The following TMEM161B variants were observed in gnomAD, a reference collection of about 807,000 sequenced individuals.
TMEM161B encodes the protein transmembrane protein 161B.
Under a neutral mutation model 61.8 loss-of-function variants are expected in TMEM161B, and 34 were observed. The observed-to-expected ratio is 0.55, with a 90% confidence interval of 0.42 to 0.73. The LOEUF (loss-of-function observed/expected upper bound fraction) is 0.73, where lower values mean the gene tolerates loss of function less well. Among genes scored for constraint, TMEM161B ranks in the 30% least tolerant of loss-of-function variants. The pLI, the probability that TMEM161B is intolerant of heterozygous loss-of-function variation, is 0.00. For missense variants in TMEM161B, 456 were observed against 558.5 expected, an observed-to-expected ratio of 0.82 and a Z score of 1.85; for synonymous variants, 167 against 192.8, an observed-to-expected ratio of 0.87 and a Z score of 1.11.
chr5:88,225,519 T>C (rs1403493312), intron 4 of TMEM161B, among the ~76,000 whole-genome samples: 1 of 152,204 alleles, frequency 6.6e-6, no homozygotes, highest in Non-Finnish European at 1.5e-5. Context: ...AAATTGACTG[T>C]GACCTCAATC....
intron 1 of TMEM161B, among the ~76,000 whole-genome samples, chr5:88,250,088 A>G (rs1235222998): frequency 6.6e-6 from 1 of 152,076 alleles, no homozygotes; most frequent in Non-Finnish European, 1.5e-5. Flanking sequence ...CTAAGACTAG[A>G]CTCATAAATC....
Position 88,197,744 on chromosome 5 carries a change from G to C in TMEM161B, c.1111C>G (p.Leu371Val), listed in dbSNP as rs1233130592. 1 of 1,612,274 alleles carries C rather than the reference G, an allele frequency of 6.2e-7. No individual in the cohort carries two copies. Among genetic ancestry groups the C allele is most frequent in the Non-Finnish European group, 8.5e-7 (1 of 1,178,986 alleles). Residue 371 changes from leucine to valine, a missense_variant, in exon 11 of 12, where the codon CTT (leucine) becomes GTT (valine). Physicochemically the swap from Leu to Val is conservative, Grantham distance 32. Around this residue, in one of 3 missense-constraint regions of TMEM161B, gnomAD observed 367 missense variants for 427.3 expected, o/e 0.86. Coordinates refer to ENST00000296595, the MANE Select transcript of TMEM161B (RefSeq NM_153354.5). ...ACATACTGCAGTGCAATGACACAAA[G>C]ATAATAAAAGACTCGAGCCACCTGC... ...QKMVARVFYYLCVIALQYVAP... is the reference protein window; with the variant it reads ...QKMVARVFYYVCVIALQYVAP...
chr5:88,198,931 T>G, intron 10 of TMEM161B, 45 bp downstream of exon 10: 1 of 1,522,906 alleles, frequency 6.6e-7, no homozygotes, highest in Non-Finnish European at 8.8e-7. Flanking sequence ...TTTTTTACAG[T>G]GCGGTTTTTG....
At position 88,268,823 on chromosome 5, in the gene TMEM161B, G is replaced by T; in HGVS notation, c.-100C>A. The T allele has an allele frequency of 1.9e-6, 3 of 1,584,918 alleles. No homozygotes were observed. Among genetic ancestry groups the T allele is most frequent in the East Asian group, 2.3e-5 (1 of 44,386 alleles). ...TTGAGCCGAGAGACTCTCAAACAGC[G>T]AAAGAGAGGGTCTTCCGGCTCTGCC... On this transcript the variant is annotated 5_prime_UTR_variant, in exon 1 of 12. Coordinates refer to ENST00000296595, the MANE Select transcript of TMEM161B (RefSeq NM_153354.5).
chr5:88,254,574 T>C (rs1010003839), intron 1 of TMEM161B, among the ~76,000 whole-genome samples: 1 of 152,144 alleles, frequency 6.6e-6, no homozygotes, highest in Admixed American at 6.6e-5. Flanking sequence ...TGGTGGCTCA[T>C]GTCCATAATC....
intron 3 of TMEM161B, among the ~76,000 whole-genome samples, chr5:88,227,518 A>G (rs1750252985): frequency 6.6e-6 from 1 of 152,258 alleles, no homozygotes; most frequent in Non-Finnish European, 1.5e-5. Context: ...AAGGTTTACT[A>G]TTAATAGTCC....
rs753862541 is a variant in TMEM161B at position 88,225,718 on chromosome 5, CTATAA to C, written c.289+46_289+50del. The C allele has an allele frequency of 1.5e-5, 18 of 1,214,526 alleles. No individual in the cohort carries two copies. In the African/African-American group the frequency reaches 2.0e-4, roughly 13 times the overall value. The allele number at this position is 1,214,526 out of a possible 1,614,324, so 75.2% of individuals were successfully genotyped here. A position where few individuals can be genotyped will look rare whatever the true frequency, so the allele number is the denominator to read the frequency against. On this transcript the variant is annotated intron_variant, in intron 4 of 11. Transcript: ENST00000296595. ...GATTAAAATGAAAGTACTTTCACTA[CTATAA>C]TATAAAACTGAGATTTATAGAACAT...
intron 9 of TMEM161B, chr5:88,200,270 A>G (rs548813555): frequency 1.3e-5 from 2 of 152,204 alleles, no homozygotes; most frequent in African/African-American, 2.4e-5. Context: ...TAAAATTTCA[A>G]TGGAAAAGCA....
chr5:88,217,254 C>G (rs574974153), intron 5 of TMEM161B, among the ~76,000 whole-genome samples: 1 of 152,130 alleles, frequency 6.6e-6, no homozygotes, highest in Non-Finnish European at 1.5e-5. Flanking sequence ...AAGACTCTGT[C>G]TCTAAAAAAA....
chr5:88,220,755 C>CA (rs71613076), intron 4 of TMEM161B, 36 bp from the exon 5 acceptor site: 54,506 of 1,172,594 alleles, frequency 0.046, 720 homozygotes, highest in Non-Finnish European at 0.055. Flanking sequence ...AAAAAAAGGT[C>CA]AAAAAAAACA....
Position 88,195,526 on chromosome 5 carries a change from GATTACA to G in TMEM161B, c.*679_*684del. 1.0e-6 allele frequency: 1 copy of G among 985,166 alleles called. No individual in the cohort carries two copies. The highest frequency in any genetic ancestry group is 1.2e-6 in the Non-Finnish European group (1 of 829,618). The allele number at this position is 985,166 out of a possible 1,614,324, so 61.0% of individuals were successfully genotyped here. ...ATGGCAGGTCCAAACCTAATGGCAA[GATTACA>G]AATGTTCATATGGCCAATCATTTTA... On this transcript the variant is annotated 3_prime_UTR_variant, in exon 12 of 12. Transcript: ENST00000296595.
In TMEM161B at chr5:88,196,438, C is replaced by T. The variant is rs1396293631; in HGVS notation, c.1237G>A (p.Asp413Asn). The part of the protein sequence containing the change: ...YPESISTLPV[D>N]NSLLSNSVYS... Reference sequence around the variant, plus strand: ...ACAGAATTGGACAGTAGACTATTATCCACTGGTAAGGTAGAGATAGATTCT... The same window carrying T: ...ACAGAATTGGACAGTAGACTATTATTCACTGGTAAGGTAGAGATAGATTCT... Residue 413 changes from aspartate (D) to asparagine (N), a missense_variant, in exon 12 of 12, where the codon GAT becomes AAT. Transcript: ENST00000296595. 3 of 1,612,744 alleles carry T rather than the reference C, an allele frequency of 1.9e-6. No individual in the cohort carries two copies. Among genetic ancestry groups the T allele is most frequent in the Non-Finnish European group, 2.5e-6 (3 of 1,179,302 alleles).
intron 5 of TMEM161B, among the ~76,000 whole-genome samples, chr5:88,219,321 T>C (rs1027661159): frequency 6.6e-6 from 1 of 152,126 alleles, no homozygotes; most frequent in Non-Finnish European, 1.5e-5. Context: ...CAAAGTGAAA[T>C]GGCAATAGTT....
rs79445628 is a variant in TMEM161B at position 88,205,713 on chromosome 5, T to C, written c.800+101A>G. 1.3e-3 allele frequency: 1,766 copies of C among 1,362,684 alleles called. 5 individuals are homozygous for C. Among genetic ancestry groups the C allele is most frequent in the Admixed American group, 1.8e-3 (75 of 40,588 alleles). 84.4% of individuals were successfully genotyped at this position (1,362,684 alleles called of 1,614,324 possible). On this transcript the variant is annotated intron_variant, in intron 8 of 11. Transcript: ENST00000296595. ...TAGTGTGACATCAAATGGTTATTAATTTTCAATACAATAATTTATGATTAC... is the reference window on the plus strand; with the variant it reads ...TAGTGTGACATCAAATGGTTATTAACTTTCAATACAATAATTTATGATTAC...
At chr5:88,193,211 T>G (rs1055198120), downstream of TMEM161B, among the ~76,000 whole-genome samples, 1 of 152,130 alleles carries the variant, frequency 6.6e-6, no homozygotes, top group Non-Finnish European at 1.5e-5. Flanking sequence ...GATTTTATAG[T>G]GCAATGGCTA....
downstream of TMEM161B, among the ~76,000 whole-genome samples, chr5:88,193,932 A>G (rs377262773): frequency 2.1e-3 from 327 of 152,296 alleles, no homozygotes; most frequent in African/African-American, 7.6e-3. Context: ...AAGCGTCATT[A>G]GGATATATTC....
chr5:88,228,750 A>G (rs2112580574), intron 2 of TMEM161B, among the ~76,000 whole-genome samples: 1 of 152,298 alleles, frequency 6.6e-6, no homozygotes, highest in Middle Eastern at 3.4e-3. Context: ...CAGGTCCTAC[A>G]ATGCCATTTG....
chr5:88,206,145 T>C (rs984286600), intron 7 of TMEM161B, among the ~76,000 whole-genome samples, 191 bp from the exon 8 acceptor site: 1 of 152,172 alleles, frequency 6.6e-6, no homozygotes, highest in Admixed American at 6.5e-5. Flanking sequence ...GGCATCTCTT[T>C]AGTCATAGTC....
chr5:88,240,730 T>C, intron 2 of TMEM161B, 83 bp downstream of exon 2: 2 of 1,090,242 alleles, frequency 1.8e-6, no homozygotes, highest in Non-Finnish European at 2.8e-6. Flanking sequence ...GTTAAAGTTT[T>C]AGAAACAGTA....
Sources: gnomAD v4.1 joint callset for allele counts (sites outside exome capture counted in the v4.1 genomes callset) on GRCh38, gnomAD v4.1.1 for gene constraint, gnomAD v4.1.1 regional missense constraint, MANE v1.5 for transcripts, NCBI Gene and HGNC (gene_info 2026-07-23, HGNC 2026-07-21) for gene names.